Variants in TBL1X observed in about 807,000 individuals in gnomAD.
TBL1X encodes the protein F-box-like/WD repeat-containing protein TBL1X.
TBL1X carries 10 observed loss-of-function variants against 50.7 expected under a neutral mutation model. The ratio of observed to expected loss-of-function variants is 0.20; its 90% CI spans 0.12 to 0.33. The LOEUF is 0.33. TBL1X is among the 10% of genes least tolerant of loss of function. TBL1X has a pLI of 1.00. For missense variants in TBL1X, 340 were observed against 504.4 expected (o/e 0.67, Z 3.12); for synonymous variants, 190 against 214.7 (o/e 0.88, Z 1.01).
At chrX:9,659,400 T>C (rs1339595357) in intron 5 of TBL1X, among the ~76,000 whole-genome samples, 2 of 112,363 alleles carry the variant, frequency 1.8e-5, no homozygotes, top group African/African-American at 6.5e-5. Flanking sequence ...CTCAACCTTA[T>C]GCATTTGAGA....
chrX:9,694,463 C>T (rs1426296786), intron 11 of TBL1X, among the ~76,000 whole-genome samples: 6 of 110,644 alleles, frequency 5.4e-5, no homozygotes, highest in East Asian at 2.8e-4. Context: ...GGCATGGTGT[C>T]GGGTGCCTGT....
intron 2 of TBL1X, among the ~76,000 whole-genome samples, chrX:9,628,162 G>T (rs895412372): frequency 8.9e-6 from 1 of 112,760 alleles, no homozygotes; most frequent in Non-Finnish European, 1.9e-5. Context: ...CTTGGAAAGA[G>T]AAGATTTTTA....
At chrX:9,546,817 T>C (rs1164489576) in intron 2 of TBL1X, among the ~76,000 whole-genome samples, 1 of 65,130 alleles carries the variant, frequency 1.5e-5, no homozygotes, top group African/African-American at 6.7e-5. Context: ...TTTTTTTTTT[T>C]TTTTTTTTTT....
chrX:9,644,359 G>A (rs11796236), intron 3 of TBL1X, among the ~76,000 whole-genome samples: 32,721 of 111,160 alleles, frequency 0.29, 3,773 homozygotes, highest in Non-Finnish European at 0.36. Context: ...TGAAATCTTG[G>A]GCACGTGCAT....
chrX:9,589,558 G>A (rs1349280521), intron 2 of TBL1X, among the ~76,000 whole-genome samples: 4 of 111,261 alleles, frequency 3.6e-5, no homozygotes, highest in Admixed American at 1.9e-4. Context: ...CCTGGATGCC[G>A]GTGCACACAC....
At chrX:9,691,994 G>A in intron 8 of TBL1X, 119 bp from the exon 9 acceptor site, 1 of 1,091,580 alleles carries the variant, frequency 9.2e-7, no homozygotes, top group Non-Finnish European at 1.2e-6. Context: ...GGATCCAGAG[G>A]GATGAAAAAG....
At chrX:9,628,145 G>A (rs1206916749) in intron 2 of TBL1X, among the ~76,000 whole-genome samples, 2 of 112,390 alleles carry the variant, frequency 1.8e-5, no homozygotes, top group East Asian at 5.6e-4. Flanking sequence ...CATTAAGACT[G>A]AGAGGACTTG....
At chrX:9,635,048 G>A (rs1406453783) in intron 2 of TBL1X, among the ~76,000 whole-genome samples, 2 of 111,653 alleles carry the variant, frequency 1.8e-5, no homozygotes, top group East Asian at 5.7e-4. Flanking sequence ...CCACCTAAAG[G>A]CAGGATGGGG....
At chrX:9,523,960 C>CTTTTTTTT (rs63038662) in intron 2 of TBL1X, among the ~76,000 whole-genome samples, 1 of 40,790 alleles carries the variant, frequency 2.5e-5, no homozygotes, top group African/African-American at 9.6e-5. Flanking sequence ...TCATTTTAAC[C>CTTTTTTTT]TTTTTTTTTT....
intron 2 of TBL1X, among the ~76,000 whole-genome samples, chrX:9,628,398 C>A (rs1475988090): frequency 9.0e-6 from 1 of 111,423 alleles, no homozygotes; most frequent in Non-Finnish European, 1.9e-5. Flanking sequence ...TGCTTGAGAA[C>A]CACTGAAAAT....
chrX:9,550,774 C>T (rs1338567470), intron 2 of TBL1X, among the ~76,000 whole-genome samples: 1 of 112,345 alleles, frequency 8.9e-6, no homozygotes, highest in Non-Finnish European at 1.9e-5. Context: ...AGGCTGCTCT[C>T]AGACTTGGGA....
chrX:9,484,535 G>A (rs942703701), intron 1 of TBL1X, among the ~76,000 whole-genome samples: 2 of 110,478 alleles, frequency 1.8e-5, no homozygotes, highest in Admixed American at 1.9e-4. Flanking sequence ...TTTGCCTGGC[G>A]TCTCTCCCTC....
chrX:9,632,431 C>T (rs2082726399), intron 2 of TBL1X, among the ~76,000 whole-genome samples: 2 of 111,173 alleles, frequency 1.8e-5, no homozygotes, highest in East Asian at 5.7e-4. Context: ...CGGGCGCATG[C>T]CACAACACCC....
intron 2 of TBL1X, among the ~76,000 whole-genome samples, chrX:9,563,370 A>G (rs1010147049): frequency 7.1e-5 from 8 of 112,764 alleles, no homozygotes; most frequent in African/African-American, 2.2e-4. Flanking sequence ...TAACCATTCT[A>G]CAAGGCCCTT....
intron 2 of TBL1X, among the ~76,000 whole-genome samples, chrX:9,621,724 A>G (rs1424562892): frequency 8.9e-6 from 1 of 112,362 alleles, no homozygotes; most frequent in East Asian, 2.8e-4. Flanking sequence ...CCTTGATTTA[A>G]CAAGAACACC....
intron 2 of TBL1X, among the ~76,000 whole-genome samples, chrX:9,638,144 T>G (rs2082757675): frequency 9.0e-6 from 1 of 111,646 alleles, no homozygotes; most frequent in African/African-American, 3.3e-5. Flanking sequence ...CCTCTCCATG[T>G]TCAATGTGGA....
intron 12 of TBL1X, among the ~76,000 whole-genome samples, chrX:9,703,536 G>A (rs780478131): frequency 3.0e-4 from 34 of 111,566 alleles, no homozygotes; most frequent in Non-Finnish European, 5.3e-4. Flanking sequence ...GTCCGTGGAC[G>A]CCTGAGAGGA....
In TBL1X at chrX:9,680,910, C is replaced by T. The variant is rs188362508; in HGVS notation, c.212-3133C>T. On this transcript the variant is annotated intron_variant, in intron 5 of 17. Transcript: ENST00000645353. The stretch of plus-strand genomic sequence containing the variant: ...TGCACAGGATATTCCTTTCGGCAGA[C>T]GACTTTCAGCTCTTTGCAGAAGTCT... Among the ~76,000 whole-genome samples, 8 of 112,303 alleles carry T rather than the reference C, an allele frequency of 7.1e-5. No individual in the cohort carries two copies. In the East Asian group the frequency reaches 2.0e-3, roughly 28 times the overall value.
intron 1 of TBL1X, among the ~76,000 whole-genome samples, chrX:9,499,064 C>T (rs1187827140): frequency 9.0e-6 from 1 of 111,710 alleles, no homozygotes; most frequent in African/African-American, 3.3e-5. Context: ...CCTGTGGAGG[C>T]GCTCATGGGT....
Sources: gnomAD v4.1 joint callset for allele counts (sites outside exome capture counted in the v4.1 genomes callset) on GRCh38, gnomAD v4.1.1 for gene constraint, MANE v1.5 for transcripts, NCBI Gene and HGNC (gene_info 2026-07-23, HGNC 2026-07-21) for gene names.